Variants in GRIN3A observed in about 807,000 individuals in gnomAD.
The protein encoded by GRIN3A is glutamate receptor ionotropic, NMDA 3A.
In GRIN3A, 47 loss-of-function variants were observed where a neutral mutation model predicts 92.4. The ratio of observed to expected loss-of-function variants is 0.51; its 90% CI spans 0.40 to 0.65. The LOEUF is 0.65. Among genes scored for constraint, GRIN3A ranks in the 30% least tolerant of loss-of-function variants. The pLI is 0.00. For synonymous variants in GRIN3A, 527 were observed against 540.6 expected (o/e 0.97, Z 0.35); for missense variants, 1,324 against 1,393.1 (o/e 0.95, Z 0.79).
chr9:101,594,958 G>A (rs780709801), intron 6 of GRIN3A: 3 of 1,580,058 alleles, frequency 1.9e-6, no homozygotes, highest in South Asian at 1.2e-5. Flanking sequence ...TCAAAGGGTC[G>A]GAGAGGGGAG....
At chr9:101,718,339 T>C (rs1314168003) in intron 1 of GRIN3A, among the ~76,000 whole-genome samples, 2 of 152,106 alleles carry the variant, frequency 1.3e-5, no homozygotes, top group African/African-American at 4.8e-5. Flanking sequence ...CAGTGTACCA[T>C]GCACAGAAGA....
intron 3 of GRIN3A, among the ~76,000 whole-genome samples, chr9:101,661,447 G>A (rs969041921): frequency 6.6e-6 from 1 of 151,712 alleles, no homozygotes; most frequent in Admixed American, 6.6e-5. Flanking sequence ...TTTATAGCAT[G>A]TACATATGCA....
intron 6 of GRIN3A, among the ~76,000 whole-genome samples, chr9:101,608,700 C>T (rs1828318463): frequency 6.6e-6 from 1 of 152,142 alleles, no homozygotes; most frequent in African/African-American, 2.4e-5. Context: ...ACTATCTCCC[C>T]AGTTTGTAGA....
chr9:101,645,577 G>T (rs939755501), intron 3 of GRIN3A, among the ~76,000 whole-genome samples: 2 of 151,326 alleles, frequency 1.3e-5, no homozygotes, highest in Non-Finnish European at 3.0e-5. Context: ...TCTACTCCTA[G>T]TTTTTTGAGA....
chr9:101,637,896 T>C (rs532969385), intron 3 of GRIN3A, among the ~76,000 whole-genome samples: 21 of 152,260 alleles, frequency 1.4e-4, no homozygotes, highest in Non-Finnish European at 2.8e-4. Context: ...CAAAAAGTGA[T>C]GTAAGAGTGA....
At position 101,642,971 on chromosome 9, in the gene GRIN3A, T is replaced by C. The variant is rs981790890; in HGVS notation, c.2353-14570A>G. Among the ~76,000 whole-genome samples, 7 of 152,120 alleles carry C rather than the reference T, an allele frequency of 4.6e-5. 1 individual carries two copies. The highest frequency in any genetic ancestry group is 1.0e-4 in the Non-Finnish European group (7 of 68,022). ...CATTATGATGAGTTGTGTATCATAA[T>C]GTAGAAATTATTTCATTATATATTA... On this transcript the variant is annotated intron_variant, in intron 3 of 8. Coordinates refer to ENST00000361820, the MANE Select transcript of GRIN3A (RefSeq NM_133445.3).
At chr9:101,707,018 C>G (rs1489551883) in intron 1 of GRIN3A, among the ~76,000 whole-genome samples, 1 of 152,014 alleles carries the variant, frequency 6.6e-6, no homozygotes, top group Admixed American at 6.5e-5. Flanking sequence ...AAATGAGAAG[C>G]AAAAAACATC....
intron 6 of GRIN3A, chr9:101,592,166 A>G (rs1353765334): frequency 6.6e-6 from 1 of 152,192 alleles, no homozygotes; most frequent in Admixed American, 6.5e-5. Context: ...CCCCTCTGCA[A>G]ATGAAGGAGT....
Position 101,623,393 on chromosome 9 carries a change from C to T in GRIN3A, c.2539G>A (p.Ala847Thr), listed in dbSNP as rs769207466. 2 of 1,613,794 alleles carry T rather than the reference C, an allele frequency of 1.2e-6. No homozygotes were observed. Among genetic ancestry groups the T allele is most frequent in the Non-Finnish European group, 1.7e-6 (2 of 1,179,682 alleles). Reference protein sequence around the residue: ...EKLDAFIMDKALLDYEVSIDA... With the variant: ...EKLDAFIMDKTLLDYEVSIDA... Reference sequence around the variant, plus strand: ...ATTGACACTTCATAATCCAGAAGGGCTTTGTCCATGATGAAGGCGTCTAGT... The same window carrying T: ...ATTGACACTTCATAATCCAGAAGGGTTTTGTCCATGATGAAGGCGTCTAGT... The change falls in exon 5 of 9, where the codon GCC (alanine) becomes ACC (threonine). Residue 847 changes from alanine to threonine, a missense_variant. Ala to Thr is a moderately conservative substitution (Grantham distance 58). Transcript: ENST00000361820.
At position 101,693,624 on chromosome 9, in the gene GRIN3A, G is replaced by A. The variant is rs114716504; in HGVS notation, c.700-6424C>T. On this transcript the variant is annotated intron_variant, in intron 1 of 8. Coordinates refer to ENST00000361820, the MANE Select transcript of GRIN3A (RefSeq NM_133445.3). Reference sequence around the variant, plus strand: ...GAATAAAGCCACTTGTAAGGTGTCTGAGGCATGAGTTAGAATGACATTCCC... The same window carrying A: ...GAATAAAGCCACTTGTAAGGTGTCTAAGGCATGAGTTAGAATGACATTCCC... Among the ~76,000 whole-genome samples the A allele has an allele frequency of 1.5e-3, 232 of 152,268 alleles. 4 individuals are homozygous for A. Among genetic ancestry groups the A allele is most frequent in the African/African-American group, 5.4e-3 (226 of 41,564 alleles).
chr9:101,631,684 G>C (rs1758139720), intron 3 of GRIN3A, among the ~76,000 whole-genome samples: 1 of 152,070 alleles, frequency 6.6e-6, no homozygotes, highest in African/African-American at 2.4e-5. Flanking sequence ...TCCCATATCT[G>C]TCTTATTGGC....
At position 101,609,629 on chromosome 9, in the gene GRIN3A, G is replaced by A. The variant is rs541777397; in HGVS notation, c.2766+3747C>T. Among the ~76,000 whole-genome samples the A allele has an allele frequency of 2.2e-4, 34 of 152,324 alleles. No homozygotes were observed. The South Asian group carries it at 7.0e-3, about 32-fold the overall frequency. On this transcript the variant is annotated intron_variant, in intron 6 of 8. Transcript: ENST00000361820. The stretch of plus-strand genomic sequence containing the variant: ...TCTCCAATAGTGTGTTCGCTTCTGT[G>A]TGTCCAGGTAGAGTTAGGTTCTGAG...
At chr9:101,657,472 T>G (rs892750675) in intron 3 of GRIN3A, among the ~76,000 whole-genome samples, 1 of 151,974 alleles carries the variant, frequency 6.6e-6, no homozygotes, top group African/African-American at 2.4e-5. Flanking sequence ...AGTATTTCAA[T>G]GAACAGGGAA....
intron 1 of GRIN3A, among the ~76,000 whole-genome samples, chr9:101,732,893 C>T (rs1830157813): frequency 6.6e-6 from 1 of 151,576 alleles, no homozygotes; most frequent in African/African-American, 2.4e-5. Flanking sequence ...TAGTCACTTG[C>T]CCAAAATTAC....
chr9:101,595,025 G>A, intron 6 of GRIN3A: 2 of 1,383,440 alleles, frequency 1.4e-6, no homozygotes, highest in Non-Finnish European at 1.9e-6. Context: ...ATGGGGTGGG[G>A]GTAGAGGGCT....
chr9:101,703,120 A>G (rs1283995840), intron 1 of GRIN3A, among the ~76,000 whole-genome samples: 2 of 152,220 alleles, frequency 1.3e-5, no homozygotes, highest in African/African-American at 4.8e-5. Context: ...AGTGATTTTT[A>G]GAAAAAAATC....
At chr9:101,602,856 A>T (rs201650933) in intron 6 of GRIN3A, 1 of 110,968 alleles carries the variant, frequency 9.0e-6, no homozygotes, top group Non-Finnish European at 1.9e-5. Flanking sequence ...ATACGGAGGG[A>T]GGGGAAAACA....
chr9:101,644,833 G>T (rs553959412), intron 3 of GRIN3A, among the ~76,000 whole-genome samples: 1 of 151,694 alleles, frequency 6.6e-6, no homozygotes, highest in Non-Finnish European at 1.5e-5. Flanking sequence ...ATTTTCTGGG[G>T]CAGAGCTTGT....
At chr9:101,637,692 C>T (rs1411546743) in intron 3 of GRIN3A, among the ~76,000 whole-genome samples, 1 of 152,164 alleles carries the variant, frequency 6.6e-6, no homozygotes, top group African/African-American at 2.4e-5. Flanking sequence ...CTCCAAATTT[C>T]ACATGAGAAA....
Sources: gnomAD v4.1 joint callset for allele counts (sites outside exome capture counted in the v4.1 genomes callset) on GRCh38, gnomAD v4.1.1 for gene constraint, MANE v1.5 for transcripts, NCBI Gene and HGNC (gene_info 2026-07-23, HGNC 2026-07-21) for gene names.